Variants in TGM3 observed in about 807,000 individuals in gnomAD.
TGM3 encodes protein-glutamine gamma-glutamyltransferase E.
A neutral mutation model predicts 73.8 loss-of-function variants in TGM3; 52 were observed. The observed-to-expected ratio is 0.70, with a 90% CI of 0.56 to 0.89. TGM3 has a LOEUF of 0.89. Among genes scored for constraint, TGM3 ranks in the 40% least tolerant of loss-of-function variants. The probability of loss-of-function intolerance (pLI) is 0.00; values close to 1 mark genes in which losing one functional copy is unlikely to be tolerated. For synonymous variants in TGM3, 372 were observed against 354.9 expected (o/e 1.05, Z -0.54); for missense variants, 928 against 909.9 (o/e 1.02, Z -0.26).
Position 2,339,942 on chromosome 20 carries a change from T to A in TGM3, c.1889T>A (p.Leu630Gln). 1 of 1,605,230 alleles carries A rather than the reference T, an allele frequency of 6.2e-7. No homozygotes were observed. Among genetic ancestry groups the A allele is most frequent in the Non-Finnish European group, 8.5e-7 (1 of 1,176,554 alleles). Residue 630 changes from leucine (L) to glutamine (Q), a missense_variant, in exon 12 of 13, where the codon CTG becomes CAG. Transcript: ENST00000381458. ...GATGAGCCGGTGAGGGACTGCGTGC[T>A]GATGGTGGAGGGAAGCGGCCTGCTG... Reference protein sequence around the residue: ...PLDEPVRDCVLMVEGSGLLLG... With the variant: ...PLDEPVRDCVQMVEGSGLLLG...
intron 9 of TGM3, among the ~76,000 whole-genome samples, chr20:2,331,157 C>T (rs1461299566): frequency 6.6e-6 from 1 of 152,036 alleles, no homozygotes; most frequent in Non-Finnish European, 1.5e-5. Flanking sequence ...TCCTTGTGTA[C>T]CTGTGTTCCT....
At chr20:2,326,789 C>T (rs1245672472) in intron 8 of TGM3, among the ~76,000 whole-genome samples, 1 of 151,884 alleles carries the variant, frequency 6.6e-6, no homozygotes, top group African/African-American at 2.4e-5. Context: ...GGAGGTAAAG[C>T]CGTGAGCCGA....
intron 5 of TGM3, among the ~76,000 whole-genome samples, chr20:2,316,725 A>C (rs991926593): frequency 1.3e-5 from 2 of 152,208 alleles, no homozygotes; most frequent in Non-Finnish European, 2.9e-5. Flanking sequence ...CTTACCTGCC[A>C]GAAGTCCTCT....
intron 7 of TGM3, 109 bp from the exon 8 acceptor site, chr20:2,325,740 A>C (rs887091404): frequency 3.8e-6 from 3 of 788,086 alleles, no homozygotes; most frequent in African/African-American, 3.4e-5. Flanking sequence ...GGGCAAACTC[A>C]CTCGATGCAT....
At position 2,334,244 on chromosome 20, in the gene TGM3, G is replaced by T. The variant is rs2084335850; in HGVS notation, c.1643-872G>T. ...GGGCGAAAAGGTGCCTGTTTTGTCT[G>T]CAGAACAAGAAGTGTGGAAGGTTCT... On this transcript the variant is annotated intron_variant, in intron 10 of 12. Coordinates refer to ENST00000381458, the MANE Select transcript of TGM3 (RefSeq NM_003245.4). The surrounding 1 kb of genome is among the most constrained non-coding windows in gnomAD (Gnocchi z 4.0). Among the ~76,000 whole-genome samples the T allele has an allele frequency of 1.3e-5, 2 of 152,240 alleles. No individual in the cohort carries two copies. Among genetic ancestry groups the T allele is most frequent in the Non-Finnish European group, 2.9e-5 (2 of 68,040 alleles).
In TGM3 at chr20:2,309,654, C is replaced by T. The variant is rs1416324634; in HGVS notation, c.8-3C>T. The T allele has an allele frequency of 6.2e-7, 1 of 1,613,542 alleles. No individual in the cohort carries two copies. Among genetic ancestry groups the T allele is most frequent in the East Asian group, 2.2e-5 (1 of 44,870 alleles). On this transcript the variant is annotated splice_polypyrimidine_tract_variant and splice_region_variant and intron_variant, in intron 1 of 12. Coordinates refer to ENST00000381458, the MANE Select transcript of TGM3 (RefSeq NM_003245.4). Reference sequence around the variant, plus strand: ...ACTTCAGGTTCTCCTTTCTGCCTCACAGCTCTAGGAGTCCAGAGTATCAAC... The same window carrying T: ...ACTTCAGGTTCTCCTTTCTGCCTCATAGCTCTAGGAGTCCAGAGTATCAAC...
At position 2,340,649 on chromosome 20, in the gene TGM3, C is replaced by T; in HGVS notation, c.*68C>T. 6.3e-7 allele frequency: 1 copy of T among 1,597,586 alleles called. No individual in the cohort carries two copies. Among genetic ancestry groups the T allele is most frequent in the Non-Finnish European group, 8.6e-7 (1 of 1,167,992 alleles). ...CAGGGAGAGCTCACCATGGAATGAA[C>T]CCCCCGCCCATGCTGTCCGGCCTGG... On this transcript the variant is annotated 3_prime_UTR_variant, in exon 13 of 13. Transcript: ENST00000381458.
rs565275527 is a variant in TGM3, at chr20:2,297,015, A to G, written c.7+945A>G. ...CACAAAAACTGGGACAGGTGATTGC[A>G]CATTAGGCCCCCTCCCCTGTCTCCC... On this transcript the variant is annotated intron_variant, in intron 1 of 12. Transcript: ENST00000381458. 7.2e-5 allele frequency among the ~76,000 whole-genome samples: 11 copies of G among 152,370 alleles called. No homozygotes were observed. The South Asian group carries it at 2.1e-3, about 29-fold the overall frequency.
At position 2,328,741 on chromosome 20, in the gene TGM3, T is replaced by C. The variant is rs942851624; in HGVS notation, c.1333+376T>C. Among the ~76,000 whole-genome samples the C allele has an allele frequency of 1.3e-5, 2 of 152,252 alleles. No individual in the cohort carries two copies. The highest frequency in any genetic ancestry group is 4.8e-5 in the African/African-American group (2 of 41,464). On this transcript the variant is annotated intron_variant, in intron 9 of 12. Coordinates refer to ENST00000381458, the MANE Select transcript of TGM3 (RefSeq NM_003245.4). This position sits in a 1 kb window ranked among gnomAD's most constrained non-coding sequence, Gnocchi z 5.2. Reference sequence around the variant, plus strand: ...TTTGGGAGAGATTTCTCCATCAGTCTGCTCCCTTAGCCTCTGAGAAACTCA... The same window carrying C: ...TTTGGGAGAGATTTCTCCATCAGTCCGCTCCCTTAGCCTCTGAGAAACTCA...
intron 9 of TGM3, among the ~76,000 whole-genome samples, chr20:2,329,796 G>A (rs2084309880): frequency 6.6e-6 from 1 of 152,196 alleles, no homozygotes; most frequent in African/African-American, 2.4e-5. Flanking sequence ...GGATTTAAAT[G>A]AGCTAAGGTA....
intron 7 of TGM3, among the ~76,000 whole-genome samples, chr20:2,320,361 T>C (rs1394541805): frequency 6.6e-6 from 1 of 152,214 alleles, no homozygotes; most frequent in Non-Finnish European, 1.5e-5. Context: ...TCTTCACAAA[T>C]GACGTAGGCA....
chr20:2,340,040 G>GTGGGGGGGGGGGGGGGGGGGGGGGGC, intron 12 of TGM3, 53 bp downstream of exon 12: 1 of 944,846 alleles, frequency 1.1e-6, no homozygotes, highest in East Asian at 3.3e-5. Context: ...GGGCGGGGGG[G>GTGGGGGGGGGGGGGGGGGGGGGGGGC]CCCTCCAGAT....
In TGM3 at chr20:2,309,758, A is replaced by C. The variant is rs1367294683; in HGVS notation, c.109A>C (p.Asn37His). Residue 37 changes from asparagine to histidine, a missense_variant, in exon 2 of 13, where the codon AAC (asparagine) becomes CAC (histidine). Asn to His is a moderately conservative substitution (Grantham distance 68). Coordinates refer to ENST00000381458, the MANE Select transcript of TGM3 (RefSeq NM_003245.4). ...SQELILRRGQ[N>H]FQVLMIMNKG... ...GGAGCTCATCTTGCGGAGAGGCCAAAACTTCCAGGTCTTAATGATCATGAA... is the reference window on the plus strand; with the variant it reads ...GGAGCTCATCTTGCGGAGAGGCCAACACTTCCAGGTCTTAATGATCATGAA... 2.5e-6 allele frequency: 4 copies of C among 1,614,164 alleles called. No individual in the cohort carries two copies. Among genetic ancestry groups the C allele is most frequent in the Non-Finnish European group, 2.5e-6 (3 of 1,180,018 alleles).
At chr20:2,318,082 C>A (rs1338921186) in intron 7 of TGM3, among the ~76,000 whole-genome samples, 3 of 151,966 alleles carry the variant, frequency 2.0e-5, no homozygotes, top group African/African-American at 7.3e-5. Flanking sequence ...TGCAATGGTA[C>A]AATCTTGGCT....
At chr20:2,322,195 A>T (rs2084266144) in intron 7 of TGM3, among the ~76,000 whole-genome samples, 1 of 152,116 alleles carries the variant, frequency 6.6e-6, no homozygotes, top group Non-Finnish European at 1.5e-5. Flanking sequence ...AAATAATTAT[A>T]AAAAAATTCA....
chr20:2,335,962 C>T (rs2084348525), intron 11 of TGM3, among the ~76,000 whole-genome samples: 1 of 152,242 alleles, frequency 6.6e-6, no homozygotes, highest in Admixed American at 6.5e-5. Flanking sequence ...AGCCCATGCC[C>T]CTCCAAGGCG....
chr20:2,335,135 G>A lies in TGM3; in HGVS notation c.1662G>A (p.Lys554=), dbSNP rs774955205. The A allele has an allele frequency of 1.2e-6, 2 of 1,614,228 alleles. No homozygotes were observed. The highest frequency in any genetic ancestry group is 1.7e-6 in the Non-Finnish European group (2 of 1,180,030). The change falls in exon 11 of 13, where the codon AAG becomes AAA. Residue 554 remains lysine (K), a synonymous_variant. Transcript: ENST00000381458. ...TTCCAGAGGCAGAACATCCCATAAA[G>A]ATCTCGTACGCTCAGTATGAGAAGT... ...DPEEEAEHPI[K]ISYAQYEKYL... is the part of the protein sequence containing the mutation.
rs151028271 is a variant in TGM3 at position 2,310,229 on chromosome 20, A to G, written c.233A>G (p.Asn78Ser). 1.5e-4 allele frequency: 246 copies of G among 1,614,062 alleles called. No individual in the cohort carries two copies. The highest frequency in any genetic ancestry group is 6.6e-4 in the Middle Eastern group (4 of 6,084). Residue 78 changes from asparagine (N) to serine (S), a missense_variant, in exon 3 of 13, where the codon AAT (asparagine) becomes AGT (serine). Coordinates refer to ENST00000381458, the MANE Select transcript of TGM3 (RefSeq NM_003245.4). ...ACGAAGGCTGTGTTTCCACTCTCCA[A>G]TGGCAGTAGTGGTGGCTGGAGTGCG... The part of the protein sequence containing the change: ...AMTKAVFPLS[N>S]GSSGGWSAVL...
At chr20:2,317,272 T>A in intron 6 of TGM3, 27 bp downstream of exon 6, 3 of 1,613,794 alleles carry the variant, frequency 1.9e-6, no homozygotes, top group Non-Finnish European at 2.5e-6. Flanking sequence ...GTGCCTTGGC[T>A]GGGTCAGTGG....
Sources: gnomAD v4.1 joint callset for allele counts (sites outside exome capture counted in the v4.1 genomes callset) on GRCh38, gnomAD v4.1.1 for gene constraint, Gnocchi (gnomAD v3.1) non-coding constraint, MANE v1.5 for transcripts, NCBI Gene and HGNC (gene_info 2026-07-23, HGNC 2026-07-21) for gene names.